CMSS1: variants seen among roughly 807,000 people sequenced by gnomAD.
CMSS1 encodes cms1 ribosomal small subunit homolog.
In CMSS1, 33 loss-of-function variants were observed where a neutral mutation model predicts 43.5. That is an observed-to-expected ratio of 0.76 (90% CI 0.57 to 1.01). CMSS1 has a LOEUF of 1.01. Ranked by LOEUF, CMSS1 falls within the 50% of genes least tolerant of loss-of-function variation. The pLI, the probability that CMSS1 is intolerant of heterozygous loss-of-function variation, is 0.00. For missense variants in CMSS1, 313 were observed against 326.4 expected, an observed-to-expected ratio of 0.96 and a Z score of 0.32; for synonymous variants, 115 against 117.2, an observed-to-expected ratio of 0.98 and a Z score of 0.12.
At chr3:99,896,613 T>C (rs1161693427) in intron 1 of CMSS1, among the ~76,000 whole-genome samples, 3 of 152,176 alleles carry the variant, frequency 2.0e-5, no homozygotes, top group African/African-American at 7.2e-5. Flanking sequence ...ACTATTTTGA[T>C]GGGCTAAGAA....
At chr3:100,048,843 A>T (rs990018673) in intron 1 of CMSS1, among the ~76,000 whole-genome samples, 1 of 152,180 alleles carries the variant, frequency 6.6e-6, no homozygotes, top group Non-Finnish European at 1.5e-5. Context: ...TTTAAAAAAA[A>T]ATCTGTTGTG....
chr3:99,861,996 AAG>A (rs1408322002), intron 1 of CMSS1, among the ~76,000 whole-genome samples: 4 of 152,142 alleles, frequency 2.6e-5, no homozygotes, highest in African/African-American at 9.7e-5. Flanking sequence ...TCCATACAAA[AAG>A]TCCTTATCAT....
chr3:99,900,495 C>G (rs1315839349), intron 1 of CMSS1, among the ~76,000 whole-genome samples: 3 of 152,150 alleles, frequency 2.0e-5, no homozygotes, highest in Non-Finnish European at 4.4e-5. Flanking sequence ...AGAGTGCGTT[C>G]AGGGTGGTAT....
chr3:99,938,434 G>A (rs1171274717), intron 1 of CMSS1, among the ~76,000 whole-genome samples: 3 of 152,198 alleles, frequency 2.0e-5, no homozygotes, highest in Non-Finnish European at 4.4e-5. Context: ...GAGTGAGTCT[G>A]TGCTAACTGT....
intron 1 of CMSS1, among the ~76,000 whole-genome samples, chr3:100,052,334 T>C (rs2065388317): frequency 6.6e-6 from 1 of 152,202 alleles, no homozygotes. Context: ...AATGGCACAT[T>C]TATGAGAGAT....
chr3:100,143,708 G>T (rs527571298), intron 1 of CMSS1, among the ~76,000 whole-genome samples: 1 of 152,008 alleles, frequency 6.6e-6, no homozygotes, highest in Non-Finnish European at 1.5e-5. Context: ...TTTTTACTTT[G>T]CATGCTTTGT....
At chr3:99,997,879 TA>T (rs1199494228) in intron 1 of CMSS1, among the ~76,000 whole-genome samples, 1 of 152,216 alleles carries the variant, frequency 6.6e-6, no homozygotes, top group African/African-American at 2.4e-5. Context: ...AAATGTAAAC[TA>T]AAGTATAATG....
At chr3:99,894,338 G>C (rs1706182571) in intron 1 of CMSS1, among the ~76,000 whole-genome samples, 1 of 152,198 alleles carries the variant, frequency 6.6e-6, no homozygotes, top group East Asian at 1.9e-4. Flanking sequence ...TTCATCTGTT[G>C]TGGGTGCCTA....
chr3:99,854,928 AG>A (rs1359310662), intron 1 of CMSS1, among the ~76,000 whole-genome samples: 1 of 152,214 alleles, frequency 6.6e-6, no homozygotes, highest in African/African-American at 2.4e-5. Flanking sequence ...TGAATCACAT[AG>A]GAATCTTGTT....
At chr3:99,984,974 T>A (rs1709288158) in intron 1 of CMSS1, among the ~76,000 whole-genome samples, 1 of 152,076 alleles carries the variant, frequency 6.6e-6, no homozygotes, top group Non-Finnish European at 1.5e-5. Context: ...AAAGATTTAG[T>A]GGAAATGAGA....
At chr3:99,987,635 C>T (rs1042414943) in intron 1 of CMSS1, among the ~76,000 whole-genome samples, 1 of 151,866 alleles carries the variant, frequency 6.6e-6, no homozygotes, top group African/African-American at 2.4e-5. Context: ...AAATAGAAAG[C>T]CACATGTCTG....
chr3:99,917,996 G>T (rs932640479), intron 1 of CMSS1, among the ~76,000 whole-genome samples: 5 of 151,782 alleles, frequency 3.3e-5, no homozygotes, highest in African/African-American at 1.2e-4. Flanking sequence ...TGTTTTTTTT[G>T]AGACAGATTC....
chr3:100,014,170 G>A (rs967557560), intron 1 of CMSS1, among the ~76,000 whole-genome samples: 18 of 150,650 alleles, frequency 1.2e-4, no homozygotes, highest in Admixed American at 1.0e-3. Flanking sequence ...TGTAAACCCT[G>A]AATAGTAGTA....
intron 1 of CMSS1, among the ~76,000 whole-genome samples, chr3:100,088,985 G>T (rs192170303): frequency 4.6e-5 from 7 of 152,214 alleles, no homozygotes; most frequent in Non-Finnish European, 7.4e-5. Flanking sequence ...ATCAATCATG[G>T]TTTACACTCT....
chr3:99,853,941 G>A (rs1343346407), intron 1 of CMSS1, among the ~76,000 whole-genome samples: 2 of 152,156 alleles, frequency 1.3e-5, no homozygotes, highest in African/African-American at 4.8e-5. Flanking sequence ...AGGCCCTGAT[G>A]GAATCTTTTC....
At chr3:100,137,556 G>A (rs2107504143) in intron 1 of CMSS1, among the ~76,000 whole-genome samples, 1 of 151,724 alleles carries the variant, frequency 6.6e-6, no homozygotes, top group South Asian at 2.1e-4. Flanking sequence ...AAATTCATAA[G>A]CATGTAACTT....
At chr3:99,915,334 T>C (rs1196223745) in intron 1 of CMSS1, among the ~76,000 whole-genome samples, 4 of 152,200 alleles carry the variant, frequency 2.6e-5, no homozygotes, top group Non-Finnish European at 5.9e-5. Context: ...CTCTTGGTCC[T>C]GTGGAAGGGG....
At chr3:100,113,766 C>G (rs1208103851) in intron 1 of CMSS1, among the ~76,000 whole-genome samples, 1 of 152,164 alleles carries the variant, frequency 6.6e-6, no homozygotes, top group East Asian at 1.9e-4. Context: ...ATCCATCTTA[C>G]TCTTAACAGG....
intron 1 of CMSS1, among the ~76,000 whole-genome samples, chr3:99,839,336 T>C (rs1410358242): frequency 6.6e-6 from 1 of 152,202 alleles, no homozygotes; most frequent in African/African-American, 2.4e-5. Context: ...TGAGCAATAT[T>C]GCATGCTTCA....
Sources: allele counts gnomAD v4.1 joint callset (sites outside exome capture counted in the v4.1 genomes callset), GRCh38; gene constraint gnomAD v4.1.1; transcripts MANE v1.5; gene names NCBI Gene and HGNC (gene_info 2026-07-23, HGNC 2026-07-21).